DDO: variants seen among roughly 807,000 people sequenced by gnomAD.
DDO encodes the protein D-aspartate oxidase.
Under a neutral mutation model 16.8 loss-of-function variants are expected in DDO, and 16 were observed. The ratio of observed to expected loss-of-function variants is 0.95; its 90% CI spans 0.65 to 1.45. DDO has a LOEUF of 1.45. Among genes scored for constraint, DDO ranks in the 40% most tolerant of loss-of-function variants. The probability of loss-of-function intolerance (pLI) is 0.00; values close to 1 mark genes in which losing one functional copy is unlikely to be tolerated. For synonymous variants in DDO, 180 were observed against 167.2 expected (o/e 1.08, Z -0.59); for missense variants, 429 against 420.3 (o/e 1.02, Z -0.18).
At chr6:110,388,672 A>G (rs891502480), downstream of DDO, 5 of 365,222 alleles carry the variant, frequency 1.4e-5, no homozygotes, top group Non-Finnish European at 1.9e-5. Context: ...TTGCCTGCTG[A>G]AGAAGCACAC....
Position 110,413,343 on chromosome 6 carries a change from T to A in DDO, c.120A>T (p.Pro40=). The A allele has an allele frequency of 6.2e-7, 1 of 1,614,156 alleles. No homozygotes were observed. Among genetic ancestry groups the A allele is most frequent in the Non-Finnish European group, 8.5e-7 (1 of 1,180,006 alleles). Residue 40 remains proline (P), a synonymous_variant, in exon 2 of 5, where the codon CCA becomes CCT. Coordinates refer to ENST00000368924, the MANE Select transcript of DDO (RefSeq NM_001372108.2). ...SVTIISDKFT[P]DTTSDVAAGM... ...CGGCTGCCACATCACTGGTGGTATC[T>A]GGAGTAAACTTGTCTGAAATGATGG... is the stretch of plus-strand genomic sequence containing the variant.
In DDO at chr6:110,412,906, G is replaced by A. The variant is rs116140609; in HGVS notation, c.172+385C>T. 2.2e-3 allele frequency among the ~76,000 whole-genome samples: 330 copies of A among 152,318 alleles called. 1 individual carries two copies. Among genetic ancestry groups the A allele is most frequent in the African/African-American group, 7.6e-3 (317 of 41,576 alleles). Reference sequence around the variant, plus strand: ...CGGCTGTAATCCTAGCACTTTGGGAGGCCAAGGGGGATGAATCGCTTGAGG... The same window carrying A: ...CGGCTGTAATCCTAGCACTTTGGGAAGCCAAGGGGGATGAATCGCTTGAGG... On this transcript the variant is annotated intron_variant, in intron 2 of 4. Coordinates refer to ENST00000368924, the MANE Select transcript of DDO (RefSeq NM_001372108.2).
At chr6:110,398,012 TG>T (rs1290981545) in intron 4 of DDO, among the ~76,000 whole-genome samples, 1 of 152,188 alleles carries the variant, frequency 6.6e-6, no homozygotes, top group Non-Finnish European at 1.5e-5. Context: ...TGGGGTGACA[TG>T]GTTGGAGGTA....
intron 4 of DDO, among the ~76,000 whole-genome samples, chr6:110,395,295 A>G (rs1024316390): frequency 9.9e-5 from 15 of 152,070 alleles, no homozygotes; most frequent in Non-Finnish European, 1.8e-4. Flanking sequence ...CTGCCTTCCA[A>G]CTGGGACATT....
intron 4 of DDO, among the ~76,000 whole-genome samples, chr6:110,403,275 T>TTATTC (rs1470431469): frequency 1.3e-5 from 2 of 152,214 alleles, no homozygotes; most frequent in African/African-American, 4.8e-5. Flanking sequence ...TTATTTTATT[T>TTATTC]TATTCTGGAT....
chr6:110,398,826 C>T (rs1056341869), intron 4 of DDO, among the ~76,000 whole-genome samples: 1 of 152,154 alleles, frequency 6.6e-6, no homozygotes, highest in African/African-American at 2.4e-5. Flanking sequence ...GCAAGTAGCT[C>T]AGTGTGGCCA....
chr6:110,407,981 C>T (rs1181182148), intron 3 of DDO, among the ~76,000 whole-genome samples: 3 of 152,208 alleles, frequency 2.0e-5, no homozygotes, highest in Non-Finnish European at 2.9e-5. Flanking sequence ...CAACATCATA[C>T]CTGTTTGCTT....
Position 110,392,999 on chromosome 6 carries a change from C to T in DDO, c.802G>A (p.Ala268Thr), listed in dbSNP as rs776827298. ...CCCACCTTCTCCCTGATGTTGCAGG[C>T]TCCGTGGAGGGAGGGCTCCAGAGCA... is the stretch of plus-strand genomic sequence containing the variant. ...CCALEPSLHG[A>T]CNIREKVGLR... Residue 268 changes from alanine to threonine, a missense_variant, in exon 5 of 5, where the codon GCC (alanine) becomes ACC (threonine). Coordinates refer to ENST00000368924, the MANE Select transcript of DDO (RefSeq NM_001372108.2). The T allele has an allele frequency of 3.7e-6, 6 of 1,611,390 alleles. No individual in the cohort carries two copies. Among genetic ancestry groups the T allele is most frequent in the South Asian group, 3.3e-5 (3 of 91,028 alleles).
rs181982676 is a variant in DDO, at chr6:110,393,400, G to A, written c.459-58C>T. 2.4e-5 allele frequency: 36 copies of A among 1,494,924 alleles called. No homozygotes were observed. The African/African-American group carries it at 4.3e-4, about 18-fold the overall frequency. 92.6% of individuals were successfully genotyped at this position (1,494,924 alleles called of 1,614,324 possible). On this transcript the variant is annotated intron_variant, in intron 4 of 4. Transcript: ENST00000368924. ...TTAGCGACCTGATCAACTACTTCCA[G>A]GAAATAAAGAAAAGGAACCCAGGAA... is the stretch of plus-strand genomic sequence containing the variant.
chr6:110,409,660 A>G lies in DDO; in HGVS notation c.173-1218T>C, dbSNP rs17071617. ...AAACATGTGCCCATGTGAAATTAACACTATATTCCAAAATTTCACAGTGGG... is the reference window on the plus strand; with the variant it reads ...AAACATGTGCCCATGTGAAATTAACGCTATATTCCAAAATTTCACAGTGGG... On this transcript the variant is annotated intron_variant, in intron 2 of 4. Coordinates refer to ENST00000368924, the MANE Select transcript of DDO (RefSeq NM_001372108.2). Among the ~76,000 whole-genome samples, 264 of 152,318 alleles carry G rather than the reference A, an allele frequency of 1.7e-3. 4 individuals carry two copies. In the East Asian group the frequency reaches 0.037, roughly 21 times the overall value.
chr6:110,415,423 C>T (rs766436293), intron 1 of DDO, 44 bp downstream of exon 1: 1 of 1,610,586 alleles, frequency 6.2e-7, no homozygotes, highest in Non-Finnish European at 8.5e-7. Context: ...ACTCCCAGAG[C>T]ATGGACGGAA....
rs1373637466 is a variant in DDO at position 110,392,872 on chromosome 6, C to T, written c.929G>A (p.Gly310Asp). ...AGCAGTGCCCCAGTGCACTGAGATGCCCCCACTCCCATGGCCATAGTGGTG... is the reference window on the plus strand; with the variant it reads ...AGCAGTGCCCCAGTGCACTGAGATGTCCCCACTCCCATGGCCATAGTGGTG... The part of the protein sequence containing the change: ...VVHHYGHGSG[G>D]ISVHWGTALE... Residue 310 changes from glycine (G) to aspartate (D), a missense_variant, in exon 5 of 5, where the codon GGC (glycine) becomes GAC (aspartate). Transcript: ENST00000368924. 6.2e-7 allele frequency: 1 copy of T among 1,614,144 alleles called. No homozygotes were observed. The highest frequency in any genetic ancestry group is 2.2e-5 in the East Asian group (1 of 44,886).
chr6:110,409,270 G>A (rs565168539), intron 2 of DDO, among the ~76,000 whole-genome samples: 13 of 152,352 alleles, frequency 8.5e-5, no homozygotes, highest in Admixed American at 2.0e-4. Context: ...CGGCAGGAAT[G>A]ACCCAAAATC....
chr6:110,394,141 G>C (rs1773211579), intron 4 of DDO, among the ~76,000 whole-genome samples: 1 of 151,250 alleles, frequency 6.6e-6, no homozygotes, highest in Non-Finnish European at 1.5e-5. Flanking sequence ...GTCTCACTCT[G>C]TCACCCAGGC....
chr6:110,389,722 C>A (rs1320742176), downstream of DDO, among the ~76,000 whole-genome samples: 1 of 152,014 alleles, frequency 6.6e-6, no homozygotes, highest in East Asian at 1.9e-4. Flanking sequence ...GAGGTGGGGG[C>A]AAAAATTAGG....
In DDO at chr6:110,408,346, T is replaced by C. The variant is rs367928093; in HGVS notation, c.269A>G (p.His90Arg). The C allele has an allele frequency of 5.0e-6, 8 of 1,613,976 alleles. No individual in the cohort carries two copies. Among genetic ancestry groups the C allele is most frequent in the Non-Finnish European group, 5.9e-6 (7 of 1,179,986 alleles). ...NSAEAGDAGV[H>R]LVSGWQIFQS... is the part of the protein sequence containing the mutation. ...TTTCTTCACTTACCCTGATACCAAATGAACACCAGCATCTCCAGCTTCTGC... is the reference window on the plus strand; with the variant it reads ...TTTCTTCACTTACCCTGATACCAAACGAACACCAGCATCTCCAGCTTCTGC... Residue 90 changes from histidine to arginine, a missense_variant, in exon 3 of 5, where the codon CAT becomes CGT. Coordinates refer to ENST00000368924, the MANE Select transcript of DDO (RefSeq NM_001372108.2).
chr6:110,412,433 G>A (rs1006489150), intron 2 of DDO, among the ~76,000 whole-genome samples: 2 of 152,160 alleles, frequency 1.3e-5, no homozygotes, highest in African/African-American at 2.4e-5. Context: ...GAAAGACAGA[G>A]CCGCCAATCA....
At chr6:110,389,895 G>C (rs563962033), downstream of DDO, among the ~76,000 whole-genome samples, 42 of 152,336 alleles carry the variant, frequency 2.8e-4, no homozygotes, top group African/African-American at 9.4e-4. Context: ...TTGTAGATAA[G>C]GGAATTGGTT....
intron 4 of DDO, among the ~76,000 whole-genome samples, chr6:110,397,400 T>C (rs189626550): frequency 6.6e-6 from 1 of 152,232 alleles, no homozygotes; most frequent in Non-Finnish European, 1.5e-5. Flanking sequence ...GTGGGTTTTT[T>C]AAATTCTTAC....
Sources: gnomAD v4.1 joint callset for allele counts (sites outside exome capture counted in the v4.1 genomes callset) on GRCh38, gnomAD v4.1.1 for gene constraint, MANE v1.5 for transcripts, NCBI Gene and HGNC (gene_info 2026-07-23, HGNC 2026-07-21) for gene names.